The following RIMS4 variants were observed in gnomAD, a reference collection of about 807,000 sequenced individuals.
RIMS4 encodes the protein regulating synaptic membrane exocytosis protein 4.
RIMS4 carries 9 observed loss-of-function variants against 29.0 expected under a neutral mutation model. The observed-to-expected ratio is 0.31, with a 90% CI of 0.19 to 0.54. RIMS4 has a LOEUF of 0.54. Ranked by LOEUF, RIMS4 falls within the 20% of genes least tolerant of loss-of-function variation. RIMS4 has a pLI of 0.94. For missense variants in RIMS4, 193 were observed against 365.7 expected, an observed-to-expected ratio of 0.53 and a Z score of 3.85; for synonymous variants, 130 against 152.9, an observed-to-expected ratio of 0.85 and a Z score of 1.10.
chr20:44,761,838 T>C (rs2066086624), intron 2 of RIMS4, among the ~76,000 whole-genome samples: 2 of 152,152 alleles, frequency 1.3e-5, no homozygotes, highest in Admixed American at 1.3e-4. Flanking sequence ...TATGCAACAA[T>C]GGTTTTTTTA....
chr20:44,762,594 T>A (rs1431312384), intron 2 of RIMS4, among the ~76,000 whole-genome samples: 1 of 152,226 alleles, frequency 6.6e-6, no homozygotes, highest in Admixed American at 6.5e-5. Flanking sequence ...AATGGGGAAC[T>A]GGCAGGCCTG....
chr20:44,801,915 C>A (rs1437979701), intron 1 of RIMS4, among the ~76,000 whole-genome samples: 1 of 152,172 alleles, frequency 6.6e-6, no homozygotes, highest in East Asian at 1.9e-4. Context: ...CTTCAGTTCT[C>A]TCCAGCCTTT....
At chr20:44,795,241 C>A (rs1299083607) in intron 1 of RIMS4, among the ~76,000 whole-genome samples, 1 of 152,254 alleles carries the variant, frequency 6.6e-6, no homozygotes, top group Non-Finnish European at 1.5e-5. Context: ...AGTGGCGAAG[C>A]TCCAGAGCCC....
At chr20:44,802,206 G>A (rs1249380609) in intron 1 of RIMS4, among the ~76,000 whole-genome samples, 2 of 152,188 alleles carry the variant, frequency 1.3e-5, no homozygotes, top group Admixed American at 6.5e-5. Flanking sequence ...TGTGCCGAGG[G>A]TTAAACATGC....
intron 2 of RIMS4, among the ~76,000 whole-genome samples, chr20:44,765,610 G>T (rs938181540): frequency 1.3e-5 from 2 of 152,172 alleles, no homozygotes; most frequent in African/African-American, 4.8e-5. Context: ...AGTAGAGGTG[G>T]GGAAGAAAAG....
chr20:44,769,996 G>C (rs571727254), intron 2 of RIMS4, among the ~76,000 whole-genome samples: 1 of 152,368 alleles, frequency 6.6e-6, no homozygotes, highest in African/African-American at 2.4e-5. Context: ...CAAGTTGCTA[G>C]CGAGCACTTG....
chr20:44,792,097 T>C (rs538452978), intron 1 of RIMS4, among the ~76,000 whole-genome samples: 1 of 152,084 alleles, frequency 6.6e-6, no homozygotes, highest in Non-Finnish European at 1.5e-5. Context: ...TCTGCTCTGC[T>C]TGTCTTTCCT....
chr20:44,779,631 T>C (rs1472324400), intron 1 of RIMS4, among the ~76,000 whole-genome samples: 1 of 152,238 alleles, frequency 6.6e-6, no homozygotes, highest in East Asian at 1.9e-4. Flanking sequence ...AAAATAATTT[T>C]CATCTATTCT....
At chr20:44,758,931 T>G (rs887976381) in intron 2 of RIMS4, among the ~76,000 whole-genome samples, 7 of 152,230 alleles carry the variant, frequency 4.6e-5, no homozygotes, top group Admixed American at 2.6e-4. Flanking sequence ...TGGATCAAGC[T>G]CTGCCTGAAG....
chr20:44,756,069 TG>T lies in RIMS4; in HGVS notation c.*64del. 1 of 1,285,272 alleles carries T rather than the reference TG, an allele frequency of 7.8e-7. No homozygotes were observed. The highest frequency in any genetic ancestry group is 1.1e-6 in the Non-Finnish European group (1 of 914,768). 79.6% of individuals were successfully genotyped at this position (1,285,272 alleles called of 1,614,324 possible). A position where few individuals can be genotyped will look rare whatever the true frequency, so the allele number is the denominator to read the frequency against. On this transcript the variant is annotated 3_prime_UTR_variant, in exon 6 of 6. Coordinates refer to ENST00000372851, the MANE Select transcript of RIMS4 (RefSeq NM_182970.4). The surrounding 1 kb of genome is among the most constrained non-coding windows in gnomAD (Gnocchi z 5.9). ...CTCCTGTTCAATGTGCCCCTGGGCC[TG>T]GGGTCCCAGGTCAGGGCTGGGTGGT...
At chr20:44,791,227 A>T (rs1314559232) in intron 1 of RIMS4, among the ~76,000 whole-genome samples, 1 of 152,256 alleles carries the variant, frequency 6.6e-6, no homozygotes, top group East Asian at 1.9e-4. Flanking sequence ...GTGGTGAAGC[A>T]TTCTACTTTT....
At chr20:44,769,031 G>A (rs577961834) in intron 2 of RIMS4, among the ~76,000 whole-genome samples, 35 of 152,270 alleles carry the variant, frequency 2.3e-4, no homozygotes, top group Middle Eastern at 3.4e-3. Flanking sequence ...TGAAGAAACT[G>A]GGCTCAGAGA....
At chr20:44,761,046 A>C (rs2066082696) in intron 2 of RIMS4, among the ~76,000 whole-genome samples, 1 of 152,138 alleles carries the variant, frequency 6.6e-6, no homozygotes, top group Admixed American at 6.5e-5. Flanking sequence ...CTCTCCACAT[A>C]AACTTCCCCA....
At chr20:44,766,795 C>T (rs1041985077) in intron 2 of RIMS4, among the ~76,000 whole-genome samples, 2 of 152,108 alleles carry the variant, frequency 1.3e-5, no homozygotes, top group African/African-American at 4.8e-5. Flanking sequence ...CTTATTATGT[C>T]AGTGCTTGCT....
At chr20:44,782,637 AG>A (rs1414361945) in intron 1 of RIMS4, among the ~76,000 whole-genome samples, 2 of 152,220 alleles carry the variant, frequency 1.3e-5, no homozygotes, top group Non-Finnish European at 2.9e-5. Flanking sequence ...TCTGGGACCC[AG>A]GGTGAAGGGG....
At chr20:44,785,135 A>ACT (rs1369738192) in intron 1 of RIMS4, among the ~76,000 whole-genome samples, 3 of 151,094 alleles carry the variant, frequency 2.0e-5, no homozygotes, top group Non-Finnish European at 4.4e-5. Context: ...GATAAAAGCT[A>ACT]CTCTCTCTTA....
intron 1 of RIMS4, among the ~76,000 whole-genome samples, chr20:44,771,964 C>A (rs191596060): frequency 6.6e-6 from 1 of 152,220 alleles, no homozygotes; most frequent in African/African-American, 2.4e-5. Flanking sequence ...TGCCAAATAG[C>A]CCCTAGGCAG....
chr20:44,796,881 T>C (rs2050953992), intron 1 of RIMS4, among the ~76,000 whole-genome samples: 2 of 152,264 alleles, frequency 1.3e-5, no homozygotes, highest in Non-Finnish European at 2.9e-5. Flanking sequence ...GTGTTCATCC[T>C]GTGCCTTTCT....
chr20:44,794,224 T>A (rs1233859110), intron 1 of RIMS4, among the ~76,000 whole-genome samples: 3 of 152,192 alleles, frequency 2.0e-5, no homozygotes, highest in Non-Finnish European at 4.4e-5. Flanking sequence ...CTTTCCCAAA[T>A]CAACAGATGT....
Sources: allele counts gnomAD v4.1 joint callset (sites outside exome capture counted in the v4.1 genomes callset), GRCh38; gene constraint gnomAD v4.1.1; non-coding constraint Gnocchi (gnomAD v3.1); transcripts MANE v1.5; gene names NCBI Gene and HGNC (gene_info 2026-07-23, HGNC 2026-07-21).